Variants in ADA2 observed in about 807,000 individuals in gnomAD.
ADA2 encodes the protein adenosine deaminase CECR1.
In ADA2, 29 loss-of-function variants were observed where a neutral mutation model predicts 44.2. The observed-to-expected ratio is 0.66, with a 90% CI of 0.49 to 0.89. ADA2 has a LOEUF of 0.89. Among genes scored for constraint, ADA2 ranks in the 40% least tolerant of loss-of-function variants. The pLI is 0.00. For synonymous variants in ADA2, 215 were observed against 234.9 expected, an observed-to-expected ratio of 0.92 and a Z score of 0.77; for missense variants, 637 against 644.8, an observed-to-expected ratio of 0.99 and a Z score of 0.13.
chr22:17,182,282 C>T (rs1189776102), intron 8 of ADA2, among the ~76,000 whole-genome samples: 6 of 152,164 alleles, frequency 3.9e-5, no homozygotes. Context: ...TGAACACAGA[C>T]ACAAAGGACC....
At chr22:17,204,381 C>T (rs542706096) in intron 3 of ADA2, among the ~76,000 whole-genome samples, 18 of 152,026 alleles carry the variant, frequency 1.2e-4, no homozygotes, top group Non-Finnish European at 1.9e-4. Context: ...CTTTGGGAGG[C>T]CAAGATGGGT....
At chr22:17,188,271 T>A in intron 7 of ADA2, 68 bp downstream of exon 7, 1 of 1,152,810 alleles carries the variant, frequency 8.7e-7, no homozygotes, top group Non-Finnish European at 1.3e-6. Context: ...CCCTGAGGCA[T>A]GGGCCTGTGG....
rs762051665 is a variant in ADA2, at chr22:17,182,688, T to A, written c.1155A>T (p.Gly385=). 6 of 1,614,050 alleles carry A rather than the reference T, an allele frequency of 3.7e-6. No homozygotes were observed. In the South Asian group the frequency reaches 6.6e-5, roughly 18 times the overall value. The change falls in exon 8 of 10, where the codon GGA becomes GGT. Residue 385 remains glycine (G), a synonymous_variant. Transcript: ENST00000399837. Reference sequence around the variant, plus strand: ...CTGCGGGGTGTTTGCTCAAAGCAAATCCATGGCCGATTCTGGTAGTGTTCA... The same window carrying A: ...CTGCGGGGTGTTTGCTCAAAGCAAAACCATGGCCGATTCTGGTAGTGTTCA... ...LMLNTTRIGH[G]FALSKHPAVR...
At chr22:17,193,315 G>C (rs2062144552) in intron 4 of ADA2, 2 of 387,212 alleles carry the variant, frequency 5.2e-6, no homozygotes, top group African/African-American at 5.4e-5. Context: ...TGAGTAGACA[G>C]CTCATGTCCC....
At chr22:17,196,053 T>C (rs2062186717) in intron 4 of ADA2, among the ~76,000 whole-genome samples, 1 of 151,714 alleles carries the variant, frequency 6.6e-6, no homozygotes, top group Non-Finnish European at 1.5e-5. Context: ...GGCAAGAAAA[T>C]TTCTTAATTT....
At chr22:17,212,432 C>T (rs886116463) in intron 1 of ADA2, among the ~76,000 whole-genome samples, 8 of 152,154 alleles carry the variant, frequency 5.3e-5, no homozygotes, top group Admixed American at 2.6e-4. Flanking sequence ...CCACCAGGCC[C>T]GGCTAATTTT....
Position 17,209,670 on chromosome 22 carries a change from AC to A in ADA2, c.7del (p.Val3TrpfsTer28). The A allele has an allele frequency of 6.2e-7, 1 of 1,611,816 alleles. No homozygotes were observed. Among genetic ancestry groups the A allele is most frequent in the South Asian group, 1.1e-5 (1 of 91,036 alleles). ...GGCTGGCCGCTCAGATGGGCCATCCACCAACATCGGGATGCCTGGACTAGGA... is the reference window on the plus strand; with the variant it reads ...GGCTGGCCGCTCAGATGGGCCATCCACAACATCGGGATGCCTGGACTAGGA... MLVDGPSERPALC... is the reference protein window; with the variant it reads MLXDGPSERPALC... On this transcript the variant is annotated frameshift_variant, in exon 2 of 10. Coordinates refer to ENST00000399837, the MANE Select transcript of ADA2 (RefSeq NM_001282225.2). LOFTEE classifies it high-confidence loss of function.
At chr22:17,212,176 C>T (rs1287723166) in intron 1 of ADA2, among the ~76,000 whole-genome samples, 1 of 151,980 alleles carries the variant, frequency 6.6e-6, no homozygotes, top group South Asian at 2.1e-4. Context: ...AGACACGTGC[C>T]ACCACGCCCG....
At position 17,203,695 on chromosome 22, in the gene ADA2, A is replaced by G. The variant is rs745705667; in HGVS notation, c.621T>C (p.Phe207=). Residue 207 remains phenylalanine, a synonymous_variant, in exon 4 of 10, where the codon TTT becomes TTC. Coordinates refer to ENST00000399837, the MANE Select transcript of ADA2 (RefSeq NM_001282225.2). Reference sequence around the variant, plus strand: ...CAGAGATGGTGAAGAAGATGGTTTCAAATTTCGACCAGACAACATTTTGGT... The same window carrying G: ...CAGAGATGGTGAAGAAGATGGTTTCGAATTTCGACCAGACAACATTTTGGT... ...YTNQNVVWSK[F]ETIFFTISGL... is the part of the protein sequence containing the mutation. 3 of 1,614,212 alleles carry G rather than the reference A, an allele frequency of 1.9e-6. No homozygotes were observed. The South Asian group carries it at 3.3e-5, about 18-fold the overall frequency.
At chr22:17,206,977 A>G (rs1487062330) in intron 3 of ADA2, 94 bp downstream of exon 3, 1 of 950,134 alleles carries the variant, frequency 1.1e-6, no homozygotes, top group Admixed American at 2.2e-5. Flanking sequence ...TATTAAAGCC[A>G]GATTTTTATC....
At chr22:17,184,020 G>A (rs2062006941) in intron 7 of ADA2, among the ~76,000 whole-genome samples, 1 of 141,682 alleles carries the variant, frequency 7.1e-6, no homozygotes, top group African/African-American at 2.7e-5. Context: ...GTGCAGTGGT[G>A]CAGTCTCGGC....
upstream of ADA2, among the ~76,000 whole-genome samples, chr22:17,221,272 A>G (rs1348334965): frequency 6.7e-6 from 1 of 149,390 alleles, no homozygotes; most frequent in Non-Finnish European, 1.5e-5. Flanking sequence ...CTGAAAGTAA[A>G]TCATGTGAAG....
Position 17,209,599 on chromosome 22 carries a change from C to A in ADA2, c.79G>T (p.Ala27Ser), listed in dbSNP as rs766768505. Residue 27 changes from alanine (A) to serine (S), a missense_variant, in exon 2 of 10, where the codon GCT (alanine) becomes TCT (serine). Physicochemically the swap from Ala to Ser is moderately conservative, Grantham distance 99. Transcript: ENST00000399837. ...GCCCGTGTTTCATCTATGGATAGAG[C>A]TGAGCCGAAGAAAGACATTGCCACA... is the stretch of plus-strand genomic sequence containing the variant. The part of the protein sequence containing the change: ...LAVAMSFFGS[A>S]LSIDETRAHL... 9 of 1,613,960 alleles carry A rather than the reference C, an allele frequency of 5.6e-6. No individual in the cohort carries two copies. The highest frequency in any genetic ancestry group is 3.3e-5 in the Admixed American group (2 of 59,976).
chr22:17,181,134 A>G lies in ADA2; in HGVS notation c.*349T>C, dbSNP rs113156103. ...GCCTGGGCAACAAGAGCAAAACTCC[A>G]TCTCGAAAAAATACAAAAATAAAAA... On this transcript the variant is annotated 3_prime_UTR_variant, in exon 10 of 10. Transcript: ENST00000399837. 58 of 180,052 alleles carry G rather than the reference A, an allele frequency of 3.2e-4. 1 individual carries two copies. Among genetic ancestry groups the G allele is most frequent in the African/African-American group, 1.3e-3 (53 of 42,012 alleles). 11.2% of individuals were successfully genotyped at this position (180,052 alleles called of 1,614,324 possible). A position where few individuals can be genotyped will look rare whatever the true frequency, so the allele number is the denominator to read the frequency against.
At chr22:17,205,179 G>A (rs536324290) in intron 3 of ADA2, among the ~76,000 whole-genome samples, 1 of 152,120 alleles carries the variant, frequency 6.6e-6, no homozygotes, top group East Asian at 1.9e-4. Flanking sequence ...CAGCATGCAC[G>A]GCTAATTTTT....
intron 3 of ADA2, among the ~76,000 whole-genome samples, chr22:17,204,537 G>A (rs1315997694): frequency 6.6e-6 from 1 of 151,950 alleles, no homozygotes; most frequent in Admixed American, 6.6e-5. Flanking sequence ...TTGAACCCTG[G>A]AAGTGGAGGT....
intron 4 of ADA2, chr22:17,199,446 T>TCCCCACCTCTATCCTCTTCCCCA: frequency 3.3e-6 from 3 of 917,628 alleles, no homozygotes; most frequent in Non-Finnish European, 3.5e-6. Flanking sequence ...CCTCTTCCCC[T>TCCCCACCTCTATCCTCTTCCCCA]CCACCCACGA....
chr22:17,192,934 T>C, intron 4 of ADA2: 1 of 582,830 alleles, frequency 1.7e-6, no homozygotes, highest in Non-Finnish European at 3.2e-6. Flanking sequence ...TTGTGAAGCC[T>C]GATTGTCAAA....
chr22:17,209,227 G>T, intron 2 of ADA2, 129 bp downstream of exon 2: 1 of 783,984 alleles, frequency 1.3e-6, no homozygotes, highest in Non-Finnish European at 2.1e-6. Flanking sequence ...TAAGGACAGA[G>T]GAGCAGAACA....
Sources: allele counts gnomAD v4.1 joint callset (sites outside exome capture counted in the v4.1 genomes callset), GRCh38; gene constraint gnomAD v4.1.1; transcripts MANE v1.5; gene names NCBI Gene and HGNC (gene_info 2026-07-23, HGNC 2026-07-21).